Variants in NDUFA10 observed in about 807,000 individuals in gnomAD.
NDUFA10 encodes NADH dehydrogenase [ubiquinone] 1 alpha subcomplex subunit 10, mitochondrial.
NDUFA10 carries 40 observed loss-of-function variants against 47.8 expected under a neutral mutation model. That is an observed-to-expected ratio of 0.84 (90% CI 0.65 to 1.09). The LOEUF (loss-of-function observed/expected upper bound fraction) is 1.09. NDUFA10 is among the 50% of genes least tolerant of loss of function. NDUFA10 has a pLI of 0.00. For missense variants in NDUFA10, 413 were observed against 451.1 expected (o/e 0.92, Z 0.76); for synonymous variants, 183 against 172.2 (o/e 1.06, Z -0.49).
At chr2:239,962,209 G>A (rs1485003580) in intron 9 of NDUFA10, among the ~76,000 whole-genome samples, 1 of 105,136 alleles carries the variant, frequency 9.5e-6, no homozygotes, top group Non-Finnish European at 2.0e-5. Flanking sequence ...GTCAATTTGT[G>A]TACACACACA....
chr2:240,007,500 G>T (rs1696990657), intron 6 of NDUFA10, 130 bp from the exon 7 acceptor site: 2 of 718,878 alleles, frequency 2.8e-6, no homozygotes, highest in Non-Finnish European at 4.9e-6. Context: ...TGGGCATTGT[G>T]CTGGGCATGT....
chr2:239,953,279 GAAGCTGGGAAGGCCAGGAAACCAGGA>G (rs1391020664), downstream of NDUFA10, among the ~76,000 whole-genome samples: 1 of 152,176 alleles, frequency 6.6e-6, no homozygotes, highest in Non-Finnish European at 1.5e-5. Flanking sequence ...GCAGCCTCTA[GAAGCTGGGAAGGCCAGGAAACCAGGA>G]AAGCTGGGAA....
intron 4 of NDUFA10, among the ~76,000 whole-genome samples, chr2:239,912,686 C>A (rs774725839): frequency 6.6e-6 from 1 of 152,182 alleles, no homozygotes; most frequent in Non-Finnish European, 1.5e-5. Flanking sequence ...GCTGGGGCCA[C>A]ACATACCCCT....
At chr2:240,025,157 G>A (rs1310943109) in intron 1 of NDUFA10, 70 bp downstream of exon 1, 2 of 1,143,446 alleles carry the variant, frequency 1.7e-6, no homozygotes, top group Non-Finnish European at 1.2e-6. Context: ...GGGAGATGTG[G>A]AACTGCTCCC....
intron 4 of NDUFA10, among the ~76,000 whole-genome samples, chr2:239,921,812 T>C (rs1273057609): frequency 2.0e-5 from 3 of 152,254 alleles, no homozygotes; most frequent in Admixed American, 2.0e-4. Context: ...CAGCCAGATC[T>C]GGGGGCAGGG....
intron 4 of NDUFA10, among the ~76,000 whole-genome samples, chr2:239,936,070 G>A (rs868494619): frequency 2.2e-4 from 34 of 152,324 alleles, no homozygotes; most frequent in Middle Eastern, 3.4e-3. Context: ...CTGGGATCCT[G>A]CAGTTATTAC....
chr2:239,989,991 T>C (rs1696177099), intron 9 of NDUFA10, 83 bp downstream of exon 9: 1 of 1,005,576 alleles, frequency 9.9e-7, no homozygotes, highest in South Asian at 1.3e-5. Flanking sequence ...CAACAAAAAC[T>C]CCTTTCTGGA....
chr2:240,014,953 C>T (rs749155688), intron 4 of NDUFA10, 93 bp from the exon 5 acceptor site: 133 of 1,561,012 alleles, frequency 8.5e-5, no homozygotes, highest in Non-Finnish European at 1.1e-4. Context: ...CAAACATACA[C>T]GCAATTCTCA....
chr2:239,945,384 G>C lies in NDUFA10; in HGVS notation c.294+44690C>G, dbSNP rs1350064117. Among the ~76,000 whole-genome samples, 1 of 152,196 alleles carries C rather than the reference G, an allele frequency of 6.6e-6. No homozygotes were observed. The highest frequency in any genetic ancestry group is 2.4e-5 in the African/African-American group (1 of 41,434). On this transcript the variant is annotated intron_variant, in intron 4 of 5. Coordinates refer to the NDUFA10 transcript ENST00000419408. This position sits in a 1 kb window ranked among gnomAD's most constrained non-coding sequence, Gnocchi z 4.6. Reference sequence around the variant, plus strand: ...GGAGACAGGAAATCAGAGCCTCCTTGCTACCCAGACCAAGCTCCTCACCTC... The same window carrying C: ...GGAGACAGGAAATCAGAGCCTCCTTCCTACCCAGACCAAGCTCCTCACCTC...
intron 4 of NDUFA10, among the ~76,000 whole-genome samples, chr2:239,943,339 CT>C (rs1264513282): frequency 1.3e-5 from 2 of 149,752 alleles, no homozygotes; most frequent in South Asian, 2.1e-4. Flanking sequence ...ATTTTTCTTT[CT>C]TTTTTTTTGA....
At chr2:239,917,295 T>C (rs57519556) in intron 4 of NDUFA10, among the ~76,000 whole-genome samples, 13,593 of 152,262 alleles carry the variant, frequency 0.089, 658 homozygotes, top group Admixed American at 0.13. Context: ...AAAGTCTTGA[T>C]AAACACTGTC....
chr2:239,897,530 GCTGA>G (rs1273407061), intron 4 of NDUFA10, among the ~76,000 whole-genome samples: 1 of 152,188 alleles, frequency 6.6e-6, no homozygotes, highest in Non-Finnish European at 1.5e-5. Flanking sequence ...ATGGGGAAAA[GCTGA>G]CTATTTTTGT....
chr2:239,985,538 G>A (rs925687715), intron 9 of NDUFA10, among the ~76,000 whole-genome samples: 1 of 151,762 alleles, frequency 6.6e-6, no homozygotes, highest in Admixed American at 6.6e-5. Flanking sequence ...GGTGCATGGT[G>A]AAAAGGTCCA....
intron 9 of NDUFA10, among the ~76,000 whole-genome samples, chr2:239,983,961 G>C (rs986618906): frequency 6.6e-6 from 1 of 152,152 alleles, no homozygotes; most frequent in Admixed American, 6.5e-5. Context: ...GGCCGAATTT[G>C]GTGGCTCACA....
At chr2:239,974,012 C>T (rs768819823) in intron 9 of NDUFA10, among the ~76,000 whole-genome samples, 2 of 152,104 alleles carry the variant, frequency 1.3e-5, no homozygotes, top group African/African-American at 2.4e-5. Context: ...CTGCAACCCC[C>T]GCCTCCTGGA....
At chr2:239,930,553 T>C (rs1694149769) in intron 4 of NDUFA10, among the ~76,000 whole-genome samples, 1 of 151,940 alleles carries the variant, frequency 6.6e-6, no homozygotes, top group South Asian at 2.1e-4. Flanking sequence ...CCGCAGCCTC[T>C]GCTGACCCTG....
intron 4 of NDUFA10, among the ~76,000 whole-genome samples, chr2:239,931,831 C>CAT (rs1553557862): frequency 1.1e-5 from 1 of 90,184 alleles, no homozygotes; most frequent in Non-Finnish European, 2.0e-5. Flanking sequence ...TGCACCTCTG[C>CAT]TTTTTTTTTT....
intron 4 of NDUFA10, among the ~76,000 whole-genome samples, chr2:239,901,059 A>G (rs1444793249): frequency 6.6e-6 from 1 of 152,236 alleles, no homozygotes; most frequent in Non-Finnish European, 1.5e-5. Context: ...TCATAGCTAG[A>G]GAGAAGTCAA....
At chr2:239,908,088 T>G (rs886546358) in intron 4 of NDUFA10, among the ~76,000 whole-genome samples, 3 of 152,184 alleles carry the variant, frequency 2.0e-5, no homozygotes, top group Admixed American at 6.5e-5. Context: ...TGAGTTCATG[T>G]CCTTTGTAGG....
Sources: gnomAD v4.1 joint callset for allele counts (sites outside exome capture counted in the v4.1 genomes callset) on GRCh38, gnomAD v4.1.1 for gene constraint, Gnocchi (gnomAD v3.1) non-coding constraint, MANE v1.5 for transcripts, NCBI Gene and HGNC (gene_info 2026-07-23, HGNC 2026-07-21) for gene names.